SEC63: variants seen among roughly 807,000 people sequenced by gnomAD.
The protein encoded by SEC63 is SEC63 protein translocation regulator, also known as translocation protein SEC63 homolog.
A neutral mutation model predicts 116.2 loss-of-function variants in SEC63; 56 were observed. The observed-to-expected ratio is 0.48, with a 90% CI of 0.39 to 0.60. The LOEUF (loss-of-function observed/expected upper bound fraction) is 0.60. Among genes scored for constraint, SEC63 ranks in the 20% least tolerant of loss-of-function variants. The probability of loss-of-function intolerance (pLI) is 0.00; values close to 1 mark genes in which losing one functional copy is unlikely to be tolerated. For synonymous variants in SEC63, 273 were observed against 294.6 expected, an observed-to-expected ratio of 0.93 and a Z score of 0.75; for missense variants, 668 against 900.0, an observed-to-expected ratio of 0.74 and a Z score of 3.30.
chr6:107,902,752 A>G, intron 12 of SEC63, 92 bp downstream of exon 12: 1 of 1,194,204 alleles, frequency 8.4e-7, no homozygotes, highest in East Asian at 2.3e-5. Context: ...TAAAAAATGC[A>G]TAGTAACCAT....
At chr6:107,954,088 A>G (rs1276107373) in intron 1 of SEC63, among the ~76,000 whole-genome samples, 3 of 152,022 alleles carry the variant, frequency 2.0e-5, no homozygotes, top group Non-Finnish European at 2.9e-5. Flanking sequence ...AGAAAGAGGT[A>G]GACACGGGAG....
chr6:107,881,273 T>C, intron 17 of SEC63, 23 bp from the exon 18 acceptor site: 1 of 1,494,500 alleles, frequency 6.7e-7, no homozygotes, highest in African/African-American at 1.4e-5. Context: ...AAAATTAAAA[T>C]ATTTAAAATC....
intron 7 of SEC63, among the ~76,000 whole-genome samples, chr6:107,910,588 T>C (rs1346542014): frequency 3.3e-5 from 5 of 152,118 alleles, no homozygotes; most frequent in African/African-American, 9.7e-5. Flanking sequence ...CATACACATG[T>C]ATGTCATACA....
At chr6:107,913,539 C>CCA in intron 4 of SEC63, 112 bp from the exon 5 acceptor site, 1 of 793,976 alleles carries the variant, frequency 1.3e-6, no homozygotes, top group South Asian at 1.4e-5. Context: ...GATACTGATT[C>CCA]CATGAATCAA....
intron 1 of SEC63, among the ~76,000 whole-genome samples, chr6:107,950,175 T>G (rs1184123694): frequency 6.6e-6 from 1 of 152,076 alleles, no homozygotes; most frequent in South Asian, 2.1e-4. Flanking sequence ...CAAAAAAGAT[T>G]ACAAGAGATA....
chr6:107,907,761 C>T (rs1196682939), intron 8 of SEC63, among the ~76,000 whole-genome samples: 1 of 152,150 alleles, frequency 6.6e-6, no homozygotes, highest in Admixed American at 6.6e-5. Context: ...CTTGTGTGAG[C>T]TATTACTATT....
chr6:107,889,121 G>A (rs1786610451), intron 16 of SEC63, among the ~76,000 whole-genome samples: 3 of 152,184 alleles, frequency 2.0e-5, no homozygotes, highest in Non-Finnish European at 4.4e-5. Flanking sequence ...AGTTAGGGAG[G>A]ATTCCCTCTT....
intron 1 of SEC63, among the ~76,000 whole-genome samples, chr6:107,943,720 GAGCAGCAACCAGTA>G (rs1340422201): frequency 6.6e-6 from 1 of 152,192 alleles, no homozygotes; most frequent in African/African-American, 2.4e-5. Context: ...CAGGCAAAGG[GAGCAGCAACCAGTA>G]AAAGACTGAA....
chr6:107,952,472 A>C (rs919548002), intron 1 of SEC63, among the ~76,000 whole-genome samples: 11 of 152,146 alleles, frequency 7.2e-5, no homozygotes, highest in Non-Finnish European at 2.9e-5. Flanking sequence ...GATTAGTTAA[A>C]CTGGGCCGGG....
intron 12 of SEC63, among the ~76,000 whole-genome samples, chr6:107,901,891 C>G (rs1464002344): frequency 6.6e-6 from 1 of 151,904 alleles, no homozygotes; most frequent in Non-Finnish European, 1.5e-5. Flanking sequence ...ATTAACAAAC[C>G]TTTAATAATA....
At chr6:107,874,431 A>T (rs547452615) in intron 19 of SEC63, among the ~76,000 whole-genome samples, 2 of 152,032 alleles carry the variant, frequency 1.3e-5, no homozygotes, top group African/African-American at 4.8e-5. Context: ...CGTCTCTACT[A>T]AAAAAATATA....
chr6:107,913,252 A>T, intron 5 of SEC63, 114 bp downstream of exon 5: 1 of 780,106 alleles, frequency 1.3e-6, no homozygotes, highest in Non-Finnish European at 2.2e-6. Flanking sequence ...TATCTATGTT[A>T]AACTCCATGT....
chr6:107,952,317 T>C (rs550868365), intron 1 of SEC63, among the ~76,000 whole-genome samples: 87 of 152,322 alleles, frequency 5.7e-4, no homozygotes, highest in Middle Eastern at 3.4e-3. Context: ...CCGCAGACTT[T>C]ACAAGCTGTG....
rs1346970654 is a variant in SEC63, at chr6:107,870,231, G to A, written c.*1473C>T. 6.5e-6 allele frequency: 1 copy of A among 152,794 alleles called. No individual in the cohort carries two copies. The highest frequency in any genetic ancestry group is 2.4e-5 in the African/African-American group (1 of 41,404). 9.5% of individuals were successfully genotyped at this position (152,794 alleles called of 1,614,324 possible). A position where few individuals can be genotyped will look rare whatever the true frequency, so the allele number is the denominator to read the frequency against. ...AGGCTCTCACTAAACTGGTGATTGAGGTTATAGAGAAAGAAACTGCTTTCA... is the reference window on the plus strand; with the variant it reads ...AGGCTCTCACTAAACTGGTGATTGAAGTTATAGAGAAAGAAACTGCTTTCA... On this transcript the variant is annotated 3_prime_UTR_variant, in exon 21 of 21. Transcript: ENST00000369002.
intron 13 of SEC63, among the ~76,000 whole-genome samples, chr6:107,901,102 G>T (rs1299917750): frequency 6.6e-6 from 1 of 152,094 alleles, no homozygotes; most frequent in African/African-American, 2.4e-5. Context: ...GGAAAGTTAA[G>T]AAATTGCTAA....
chr6:107,914,880 C>T (rs1282483497), intron 4 of SEC63, among the ~76,000 whole-genome samples: 1 of 152,112 alleles, frequency 6.6e-6, no homozygotes, highest in Admixed American at 6.5e-5. Context: ...CCAAATAAAG[C>T]ATAGCTCACA....
intron 8 of SEC63, among the ~76,000 whole-genome samples, chr6:107,907,074 A>G (rs1465123185): frequency 6.6e-6 from 1 of 152,224 alleles, no homozygotes; most frequent in Non-Finnish European, 1.5e-5. Context: ...TTTCTATAGA[A>G]CATCAGTATT....
intron 19 of SEC63, among the ~76,000 whole-genome samples, chr6:107,874,419 C>T (rs1427597805): frequency 2.0e-5 from 3 of 151,896 alleles, no homozygotes; most frequent in Middle Eastern, 3.4e-3. Flanking sequence ...ACAGTGAAAC[C>T]CCGTCTCTAC....
At chr6:107,893,322 G>C (rs1457937377) in intron 16 of SEC63, among the ~76,000 whole-genome samples, 160 bp downstream of exon 16, 1 of 152,224 alleles carries the variant, frequency 6.6e-6, no homozygotes, top group African/African-American at 2.4e-5. Context: ...TGGGGAGATG[G>C]ATGAAGGGCT....
Sources: allele counts gnomAD v4.1 joint callset (sites outside exome capture counted in the v4.1 genomes callset), GRCh38; gene constraint gnomAD v4.1.1; transcripts MANE v1.5; gene names NCBI Gene and HGNC (gene_info 2026-07-23, HGNC 2026-07-21).